The following GALNTL5 variants were observed in gnomAD, a reference collection of about 807,000 sequenced individuals.
The protein encoded by GALNTL5 is inactive polypeptide N-acetylgalactosaminyltransferase-like protein 5.
A neutral mutation model predicts 51.0 loss-of-function variants in GALNTL5; 44 were observed. The observed-to-expected ratio is 0.86, with a 90% CI of 0.68 to 1.11. The LOEUF (loss-of-function observed/expected upper bound fraction) is 1.11, where lower values mean the gene tolerates loss of function less well. Among genes scored for constraint, GALNTL5 ranks in the 50% least tolerant of loss-of-function variants. The pLI is 0.00. For synonymous variants in GALNTL5, 192 were observed against 182.8 expected (o/e 1.05, Z -0.41); for missense variants, 528 against 531.8 (o/e 0.99, Z 0.07).
rs2081127407 is a variant in GALNTL5 at position 151,970,950 on chromosome 7, G to C, written c.253G>C (p.Asp85His). The change falls in exon 3 of 9, where the codon GAT (aspartate) becomes CAT (histidine). Residue 85 changes from aspartate to histidine, a missense_variant. Coordinates refer to ENST00000392800, the MANE Select transcript of GALNTL5 (RefSeq NM_145292.4). ...CTAATTACATTTTCTTGCAGGTACA[G>C]ATTTTAACCATACAAACCCAGAACT... The part of the protein sequence containing the change: ...EDKAKSMLGT[D>H]FNHTNPELHK... 6.3e-7 allele frequency: 1 copy of C among 1,599,456 alleles called. No homozygotes were observed. The highest frequency in any genetic ancestry group is 8.6e-7 in the Non-Finnish European group (1 of 1,168,696).
At chr7:151,962,178 T>C (rs2080999248) in intron 1 of GALNTL5, among the ~76,000 whole-genome samples, 1 of 151,856 alleles carries the variant, frequency 6.6e-6, no homozygotes, top group African/African-American at 2.4e-5. Flanking sequence ...AATTTTTGTA[T>C]TTTCAGTAGA....
intron 5 of GALNTL5, among the ~76,000 whole-genome samples, chr7:151,996,473 C>A (rs1478657915): frequency 6.6e-6 from 1 of 152,100 alleles, no homozygotes; most frequent in Non-Finnish European, 1.5e-5. Context: ...GGTGCCGTGG[C>A]TCACGCCTGT....
intron 6 of GALNTL5, among the ~76,000 whole-genome samples, chr7:152,005,034 T>A (rs1199265683): frequency 6.6e-6 from 1 of 152,194 alleles, no homozygotes; most frequent in African/African-American, 2.4e-5. Flanking sequence ...CTCTGTATTG[T>A]TTTCCACAGC....
chr7:151,966,584 C>T (rs2081063201), intron 1 of GALNTL5, among the ~76,000 whole-genome samples: 1 of 152,198 alleles, frequency 6.6e-6, no homozygotes, highest in Admixed American at 6.5e-5. Context: ...CTAGTTTTCA[C>T]TATGACAAAC....
chr7:152,015,733 C>A (rs569366728), intron 8 of GALNTL5, among the ~76,000 whole-genome samples: 1 of 152,098 alleles, frequency 6.6e-6, no homozygotes, highest in Non-Finnish European at 1.5e-5. Flanking sequence ...GTCTTGAGAC[C>A]GTGTGAGAAC....
At chr7:151,985,047 G>A (rs1300955829) in intron 4 of GALNTL5, among the ~76,000 whole-genome samples, 1 of 152,166 alleles carries the variant, frequency 6.6e-6, no homozygotes, top group Non-Finnish European at 1.5e-5. Flanking sequence ...GGTGCCAGCA[G>A]GATCGAGTTC....
intron 3 of GALNTL5, among the ~76,000 whole-genome samples, chr7:151,981,678 TTTC>T (rs1476116921): frequency 4.6e-4 from 63 of 137,294 alleles, no homozygotes; most frequent in Admixed American, 1.4e-3. Context: ...CTCTTCTTTC[TTTC>T]TTTTTTTTTT....
chr7:152,003,045 T>C, intron 6 of GALNTL5, 82 bp downstream of exon 6: 2 of 1,241,472 alleles, frequency 1.6e-6, no homozygotes, highest in South Asian at 2.8e-5. Flanking sequence ...GATTATTCTT[T>C]CAAGTTCTTG....
intron 2 of GALNTL5, 75 bp from the exon 3 acceptor site, chr7:151,970,870 A>G (rs1437133418): frequency 5.7e-6 from 7 of 1,234,700 alleles, no homozygotes; most frequent in Non-Finnish European, 7.9e-6. Flanking sequence ...TGTTTTGGTT[A>G]TTCTAGATCT....
intron 1 of GALNTL5, among the ~76,000 whole-genome samples, chr7:151,960,901 C>T (rs905644094): frequency 6.6e-6 from 1 of 152,186 alleles, no homozygotes; most frequent in African/African-American, 2.4e-5. Flanking sequence ...TTTGAGGGGA[C>T]AATGTCCTAT....
intron 2 of GALNTL5, among the ~76,000 whole-genome samples, chr7:151,970,346 A>T (rs1162637797): frequency 3.9e-5 from 6 of 152,334 alleles, no homozygotes; most frequent in Middle Eastern, 3.4e-3. Flanking sequence ...AATCCAGATG[A>T]TCCAACACCA....
At chr7:151,969,994 G>A (rs1422523717) in intron 2 of GALNTL5, among the ~76,000 whole-genome samples, 8 of 151,830 alleles carry the variant, frequency 5.3e-5, no homozygotes. Context: ...GTATTTTTAG[G>A]AGAGACGGGG....
chr7:151,967,063 AGAAAT>A, intron 1 of GALNTL5, 140 bp from the exon 2 acceptor site: 1 of 550,862 alleles, frequency 1.8e-6, no homozygotes, highest in South Asian at 2.4e-5. Context: ...TTGTGCTAAT[AGAAAT>A]AAGGACACAC....
intron 3 of GALNTL5, among the ~76,000 whole-genome samples, chr7:151,982,203 G>A (rs1175597432): frequency 9.9e-5 from 15 of 151,780 alleles, no homozygotes; most frequent in African/African-American, 3.4e-4. Flanking sequence ...ACCTGAGGTC[G>A]GGAGCTCAAG....
rs73475778 is a variant in GALNTL5 at position 152,015,326 on chromosome 7, A to G, written c.1176+533A>G. ...GGGAATTGTCCCACACCTGAAGCAAATAGCTTCTCCTTGCCCCGTCCCCAT... is the reference window on the plus strand; with the variant it reads ...GGGAATTGTCCCACACCTGAAGCAAGTAGCTTCTCCTTGCCCCGTCCCCAT... On this transcript the variant is annotated intron_variant, in intron 8 of 8. Coordinates refer to ENST00000392800, the MANE Select transcript of GALNTL5 (RefSeq NM_145292.4). Among the ~76,000 whole-genome samples the G allele has an allele frequency of 1.8e-3, 265 of 151,058 alleles. 1 individual carries two copies. Among genetic ancestry groups the G allele is most frequent in the African/African-American group, 6.1e-3 (252 of 41,112 alleles).
intron 3 of GALNTL5, among the ~76,000 whole-genome samples, chr7:151,973,760 G>A (rs1431454485): frequency 1.4e-5 from 2 of 147,704 alleles, no homozygotes; most frequent in East Asian, 4.0e-4. Context: ...GTTTTGAAAT[G>A]TGAAATGAGA....
chr7:151,992,941 C>G (rs1215718536), intron 5 of GALNTL5, among the ~76,000 whole-genome samples: 1 of 152,074 alleles, frequency 6.6e-6, no homozygotes, highest in Non-Finnish European at 1.5e-5. Context: ...CATCTGTGTT[C>G]AAAAGTAAGA....
Position 152,019,773 on chromosome 7 carries a change from AG to A in GALNTL5, c.1305del (p.Glu435AspfsTer6). 1 of 1,613,268 alleles carries A rather than the reference AG, an allele frequency of 6.2e-7. No individual in the cohort carries two copies. Among genetic ancestry groups the A allele is most frequent in the Non-Finnish European group, 8.5e-7 (1 of 1,179,538 alleles). On this transcript the variant is annotated frameshift_variant, in exon 9 of 9. Coordinates refer to ENST00000392800, the MANE Select transcript of GALNTL5 (RefSeq NM_145292.4). LOFTEE classifies it high-confidence loss of function. ...FQWYLDNVFP[E>X]LEASVNSL is the part of the protein sequence containing the mutation. ...TGGTATTTGGATAATGTCTTCCCAG[AG>A]TTGGAGGCATCTGTGAACAGCCTGT...
chr7:151,978,829 T>A (rs1186369657), intron 3 of GALNTL5, among the ~76,000 whole-genome samples: 1 of 152,166 alleles, frequency 6.6e-6, no homozygotes, highest in Non-Finnish European at 1.5e-5. Flanking sequence ...TTTCCCCTTT[T>A]TGTAAGAACA....
Sources: gnomAD v4.1 joint callset for allele counts (sites outside exome capture counted in the v4.1 genomes callset) on GRCh38, gnomAD v4.1.1 for gene constraint, MANE v1.5 for transcripts, NCBI Gene and HGNC (gene_info 2026-07-23, HGNC 2026-07-21) for gene names.